The following FGGY variants were observed in gnomAD, a reference collection of about 807,000 sequenced individuals.
FGGY encodes FGGY carbohydrate kinase domain-containing protein.
Under a neutral mutation model 71.3 loss-of-function variants are expected in FGGY, and 72 were observed. That is an observed-to-expected ratio of 1.01 (90% CI 0.84 to 1.23). The LOEUF (loss-of-function observed/expected upper bound fraction) is 1.23, where lower values mean the gene tolerates loss of function less well. Among genes scored for constraint, FGGY ranks in the 50% most tolerant of loss-of-function variants. The pLI is 0.00. For missense variants in FGGY, 668 were observed against 682.3 expected (o/e 0.98, Z 0.23); for synonymous variants, 251 against 250.3 (o/e 1.00, Z -0.02).
intron 5 of FGGY, among the ~76,000 whole-genome samples, chr1:59,446,929 A>G (rs2071411232): frequency 6.6e-6 from 1 of 152,190 alleles, no homozygotes; most frequent in African/African-American, 2.4e-5. Flanking sequence ...ATGCATGAGA[A>G]TGATCAGGCC....
chr1:59,653,727 C>T (rs2097191803), intron 11 of FGGY, among the ~76,000 whole-genome samples: 2 of 152,356 alleles, frequency 1.3e-5, no homozygotes, highest in African/African-American at 2.4e-5. Context: ...GTTGCTCACG[C>T]TGGGAGCTGT....
chr1:59,722,255 G>T (rs1227070769), intron 14 of FGGY, among the ~76,000 whole-genome samples: 5 of 151,894 alleles, frequency 3.3e-5, no homozygotes, highest in Admixed American at 3.3e-4. Flanking sequence ...TCATATCAAG[G>T]ATACTTACTA....
chr1:59,491,039 C>CTTTCCTTTCCT (rs373309095), intron 6 of FGGY, among the ~76,000 whole-genome samples: 1 of 16,204 alleles, frequency 6.2e-5, no homozygotes, highest in Admixed American at 7.6e-4. Flanking sequence ...CTTTCCTTTC[C>CTTTCCTTTCCT]TTCCTTCCTT....
chr1:59,547,418 G>A (rs1193448120), intron 7 of FGGY, among the ~76,000 whole-genome samples: 3 of 152,118 alleles, frequency 2.0e-5, no homozygotes, highest in African/African-American at 7.2e-5. Context: ...AAAGGAACTA[G>A]CTTCTGTGAA....
chr1:59,377,995 A>G (rs1432109734), intron 4 of FGGY, among the ~76,000 whole-genome samples: 2 of 152,156 alleles, frequency 1.3e-5, no homozygotes, highest in African/African-American at 4.8e-5. Flanking sequence ...TTGCCTTTGT[A>G]ACCAGTTGGC....
intron 11 of FGGY, 139 bp from the exon 12 acceptor site, chr1:59,660,080 G>C: frequency 2.9e-6 from 2 of 691,376 alleles, no homozygotes; most frequent in Middle Eastern, 4.9e-4. Context: ...GGCATTTCAC[G>C]TTCCGCTCAC....
intron 14 of FGGY, among the ~76,000 whole-genome samples, chr1:59,682,525 G>A (rs1417833412): frequency 6.6e-6 from 1 of 152,200 alleles, no homozygotes; most frequent in Non-Finnish European, 1.5e-5. Flanking sequence ...GGCCTGTAGA[G>A]GCGAGGGAAA....
At chr1:59,623,122 A>G (rs2153836562) in intron 9 of FGGY, among the ~76,000 whole-genome samples, 1 of 152,260 alleles carries the variant, frequency 6.6e-6, no homozygotes, top group East Asian at 1.9e-4. Context: ...GTAAGGATAG[A>G]AAATATCTGT....
At chr1:59,312,286 T>C (rs2044485066) in intron 1 of FGGY, among the ~76,000 whole-genome samples, 1 of 152,236 alleles carries the variant, frequency 6.6e-6, no homozygotes, top group Non-Finnish European at 1.5e-5. Flanking sequence ...TTTGGCATTT[T>C]TTTGCAATTG....
At chr1:59,590,771 T>C (rs1275397742) in intron 8 of FGGY, among the ~76,000 whole-genome samples, 2 of 152,164 alleles carry the variant, frequency 1.3e-5, no homozygotes, top group African/African-American at 4.8e-5. Flanking sequence ...ATAAATTAGG[T>C]ATTGATGGGA....
chr1:59,534,227 A>G (rs963306756), intron 7 of FGGY, among the ~76,000 whole-genome samples: 7 of 152,302 alleles, frequency 4.6e-5, no homozygotes, highest in African/African-American at 1.4e-4. Flanking sequence ...AAGAAAGGGT[A>G]TCAGCGATGG....
At chr1:59,730,101 A>G (rs942410147) in intron 14 of FGGY, among the ~76,000 whole-genome samples, 4 of 152,022 alleles carry the variant, frequency 2.6e-5, no homozygotes, top group Admixed American at 6.6e-5. Flanking sequence ...TCGCTTTCCT[A>G]TTAGTCCACA....
At chr1:59,437,093 C>A (rs138414301) in intron 5 of FGGY, among the ~76,000 whole-genome samples, 1 of 152,326 alleles carries the variant, frequency 6.6e-6, no homozygotes, top group Non-Finnish European at 1.5e-5. Flanking sequence ...ATCCTTCATA[C>A]CTGGTCCTCC....
At chr1:59,614,760 A>C (rs1174346971) in intron 9 of FGGY, among the ~76,000 whole-genome samples, 2 of 152,174 alleles carry the variant, frequency 1.3e-5, no homozygotes, top group East Asian at 3.8e-4. Flanking sequence ...CCATCATCTC[A>C]GCCCAAAATC....
chr1:59,656,815 A>G (rs1167896979), intron 11 of FGGY, among the ~76,000 whole-genome samples: 3 of 149,222 alleles, frequency 2.0e-5, no homozygotes, highest in Non-Finnish European at 2.9e-5. Flanking sequence ...TTTATTTATC[A>G]GAAAAAAAGC....
rs549199547 is a variant in FGGY at position 59,586,302 on chromosome 1, A to C, written c.904-21501A>C. 1.2e-3 allele frequency among the ~76,000 whole-genome samples: 178 copies of C among 152,332 alleles called. 2 individuals are homozygous for C. The highest frequency in any genetic ancestry group is 4.0e-3 in the African/African-American group (167 of 41,582). ...TAGACTGGATTAAGAAAATGTGGCA[A>C]ATATACACCATGGAATACTATGCAG... On this transcript the variant is annotated intron_variant, in intron 8 of 15. Transcript: ENST00000303721.
chr1:59,597,530 G>A (rs2096536036), intron 8 of FGGY, among the ~76,000 whole-genome samples: 1 of 152,066 alleles, frequency 6.6e-6, no homozygotes, highest in African/African-American at 2.4e-5. Flanking sequence ...ACCCCCACAT[G>A]AGCTCCAATC....
intron 10 of FGGY, among the ~76,000 whole-genome samples, chr1:59,629,661 G>A (rs941583669): frequency 6.6e-6 from 1 of 152,112 alleles, no homozygotes; most frequent in Non-Finnish European, 1.5e-5. Context: ...GACCATAACG[G>A]TCATTATTTT....
intron 2 of FGGY, among the ~76,000 whole-genome samples, chr1:59,329,655 T>C (rs60313530): frequency 0.033 from 5,098 of 152,264 alleles, 319 homozygotes; most frequent in African/African-American, 0.12. Flanking sequence ...AATGCTCCCT[T>C]TAGCGTAAGA....
Sources: gnomAD v4.1 joint callset for allele counts (sites outside exome capture counted in the v4.1 genomes callset) on GRCh38, gnomAD v4.1.1 for gene constraint, MANE v1.5 for transcripts, NCBI Gene and HGNC (gene_info 2026-07-23, HGNC 2026-07-21) for gene names.